Variants in HAUS6 observed in about 807,000 individuals in gnomAD.
HAUS6 encodes HAUS augmin-like complex subunit 6.
A neutral mutation model predicts 106.8 loss-of-function variants in HAUS6; 80 were observed. The observed-to-expected ratio is 0.75, with a 90% CI of 0.63 to 0.90. The LOEUF (loss-of-function observed/expected upper bound fraction) is 0.90, where lower values mean the gene tolerates loss of function less well. Ranked by LOEUF, HAUS6 falls within the 40% of genes least tolerant of loss-of-function variation. HAUS6 has a pLI of 0.00. For missense variants in HAUS6, 1,155 were observed against 1,118.1 expected, an observed-to-expected ratio of 1.03 and a Z score of -0.47; for synonymous variants, 356 against 379.1, an observed-to-expected ratio of 0.94 and a Z score of 0.71.
At chr9:19,072,255 G>A (rs867625256) in intron 11 of HAUS6, among the ~76,000 whole-genome samples, 1 of 151,868 alleles carries the variant, frequency 6.6e-6, no homozygotes, top group Non-Finnish European at 1.5e-5. Flanking sequence ...ACTAACACCT[G>A]TAATCTCAGC....
intron 9 of HAUS6, among the ~76,000 whole-genome samples, chr9:19,078,769 C>G (rs1465928787): frequency 6.7e-6 from 1 of 150,342 alleles, no homozygotes; most frequent in East Asian, 2.0e-4. Flanking sequence ...TGCACTCCAG[C>G]CTGGGAGACA....
intron 16 of HAUS6, 53 bp from the exon 17 acceptor site, chr9:19,056,457 A>G (rs1836472745): frequency 1.0e-6 from 1 of 989,186 alleles, no homozygotes. Flanking sequence ...AAAAATAAAC[A>G]ATAGATTCCA....
rs1392774290 is a variant in HAUS6, at chr9:19,062,252, A to G, written c.1629+756T>C. On this transcript the variant is annotated intron_variant, in intron 14 of 16. Transcript: ENST00000380502. Reference sequence around the variant, plus strand: ...CTGAAATATTTTAGACAGCAAAAAGAACAAAACCTATGCTCAGTGATAATG... The same window carrying G: ...CTGAAATATTTTAGACAGCAAAAAGGACAAAACCTATGCTCAGTGATAATG... 2.6e-5 allele frequency among the ~76,000 whole-genome samples: 4 copies of G among 152,354 alleles called. No individual in the cohort carries two copies. In the South Asian group the frequency reaches 6.2e-4, roughly 24 times the overall value.
intron 1 of HAUS6, among the ~76,000 whole-genome samples, chr9:19,099,719 C>G (rs558790287): frequency 6.6e-6 from 1 of 152,302 alleles, no homozygotes; most frequent in East Asian, 1.9e-4. Flanking sequence ...CCTCAGCCTT[C>G]TGAGTAGCTG....
intron 11 of HAUS6, among the ~76,000 whole-genome samples, chr9:19,074,540 A>G (rs12380322): frequency 0.46 from 69,843 of 151,872 alleles, 17,540 homozygotes; most frequent in African/African-American, 0.68. Context: ...CCAAAGTGCC[A>G]GGATTATAGG....
chr9:19,056,997 C>T (rs1443300020), intron 16 of HAUS6: 1 of 152,116 alleles, frequency 6.6e-6, no homozygotes, highest in Non-Finnish European at 1.5e-5. Flanking sequence ...TAATGAGCTA[C>T]AAGAGCAATT....
At chr9:19,083,179 T>C (rs1837203427) in intron 7 of HAUS6, 136 bp from the exon 8 acceptor site, 1 of 466,126 alleles carries the variant, frequency 2.1e-6, no homozygotes, top group Non-Finnish European at 3.8e-6. Context: ...TATACTTTAA[T>C]AGTTTAAAAG....
rs1482791886 is a variant in HAUS6, at chr9:19,053,942, T to C, written c.*2401A>G. 1 of 152,058 alleles carries C rather than the reference T, an allele frequency of 6.6e-6. No homozygotes were observed. The highest frequency in any genetic ancestry group is 2.1e-4 in the South Asian group (1 of 4,820). 9.4% of individuals were successfully genotyped at this position (152,058 alleles called of 1,614,324 possible). ...TATTGCTATAACTAGAAAGACCACA[T>C]GCAACCATAAAAAATATATAATAAA... On this transcript the variant is annotated 3_prime_UTR_variant, in exon 17 of 17. Transcript: ENST00000380502.
chr9:19,063,776 T>C (rs1335049552), intron 12 of HAUS6, 196 bp from the exon 13 acceptor site: 1 of 739,924 alleles, frequency 1.4e-6, no homozygotes, highest in Non-Finnish European at 2.5e-6. Context: ...AATTTGTGTA[T>C]CAGCCTCCCA....
intron 9 of HAUS6, among the ~76,000 whole-genome samples, chr9:19,079,733 T>A (rs376930992): frequency 2.0e-5 from 3 of 151,788 alleles, no homozygotes; most frequent in African/African-American, 7.3e-5. Flanking sequence ...TGAAACCCCA[T>A]CCCTACTAAA....
chr9:19,067,388 G>A (rs536731198), intron 12 of HAUS6, among the ~76,000 whole-genome samples: 20 of 152,184 alleles, frequency 1.3e-4, no homozygotes, highest in South Asian at 8.3e-4. Context: ...CTTTTCACAG[G>A]CCTTCTGTTT....
At chr9:19,089,681 G>A in intron 4 of HAUS6, 122 bp from the exon 5 acceptor site, 1 of 603,966 alleles carries the variant, frequency 1.7e-6, no homozygotes, top group South Asian at 2.9e-5. Flanking sequence ...AAATCTGATT[G>A]ACTTTTAAAA....
intron 5 of HAUS6, among the ~76,000 whole-genome samples, chr9:19,088,540 T>C (rs1186460743): frequency 6.6e-6 from 1 of 152,024 alleles, no homozygotes; most frequent in Non-Finnish European, 1.5e-5. Flanking sequence ...TATATTTCCA[T>C]ATTTTACAAA....
intron 12 of HAUS6, among the ~76,000 whole-genome samples, chr9:19,066,204 G>A (rs897560353): frequency 3.3e-5 from 5 of 152,054 alleles, no homozygotes; most frequent in Admixed American, 6.6e-5. Context: ...CCAAAGTGCT[G>A]GGATTACAGG....
At chr9:19,065,312 C>G (rs1029449717) in intron 12 of HAUS6, among the ~76,000 whole-genome samples, 1 of 152,136 alleles carries the variant, frequency 6.6e-6, no homozygotes, top group Non-Finnish European at 1.5e-5. Context: ...AATCCTAGCA[C>G]TGTAACAAAA....
chr9:19,069,629 G>A (rs1415821213), intron 12 of HAUS6, among the ~76,000 whole-genome samples: 3 of 152,098 alleles, frequency 2.0e-5, no homozygotes, highest in African/African-American at 4.8e-5. Flanking sequence ...CCCAGGAGGC[G>A]GGGATGTTGC....
intron 12 of HAUS6, 136 bp downstream of exon 12, chr9:19,070,083 C>T (rs1274872435): frequency 4.8e-6 from 3 of 620,144 alleles, no homozygotes; most frequent in South Asian, 4.0e-5. Flanking sequence ...TTACAATCCT[C>T]TTGTAATACA....
chr9:19,071,344 T>C (rs969695715), intron 11 of HAUS6, among the ~76,000 whole-genome samples: 9 of 151,972 alleles, frequency 5.9e-5, no homozygotes, highest in Admixed American at 2.6e-4. Context: ...AGTTAAAAGA[T>C]ATGAAAGACA....
In HAUS6 at chr9:19,058,424, C is replaced by T. The variant is rs191418569; in HGVS notation, c.2343G>A (p.Pro781=). Residue 781 remains proline, a synonymous_variant, in exon 16 of 17, where the codon CCG becomes CCA. Coordinates refer to ENST00000380502, the MANE Select transcript of HAUS6 (RefSeq NM_017645.5). The part of the protein sequence containing the change: ...NDFGILHETL[P]EEVGHLSFNS... ...TAAAACTTAGATGACCAACTTCTTC[C>T]GGGAGAGTTTCGTGTAATATGCCAA... is the stretch of plus-strand genomic sequence containing the variant. 4.2e-4 allele frequency: 684 copies of T among 1,609,526 alleles called. 3 individuals carry two copies. Among genetic ancestry groups the T allele is most frequent in the Non-Finnish European group, 5.1e-4 (604 of 1,176,516 alleles).
Sources: allele counts gnomAD v4.1 joint callset (sites outside exome capture counted in the v4.1 genomes callset), GRCh38; gene constraint gnomAD v4.1.1; transcripts MANE v1.5; gene names NCBI Gene and HGNC (gene_info 2026-07-23, HGNC 2026-07-21).